Variants in MAML3 observed in about 807,000 individuals in gnomAD.
MAML3 encodes the protein mastermind like transcriptional coactivator 3.
Under a neutral mutation model 101.9 loss-of-function variants are expected in MAML3, and 27 were observed. The ratio of observed to expected loss-of-function variants is 0.27; its 90% confidence interval spans 0.20 to 0.37. The LOEUF is 0.37. MAML3 is among the 10% of genes least tolerant of loss of function. The probability of loss-of-function intolerance (pLI) is 1.00; values close to 1 mark genes in which losing one functional copy is unlikely to be tolerated. For synonymous variants in MAML3, 501 were observed against 555.9 expected (o/e 0.90, Z 1.39); for missense variants, 1,316 against 1,444.9 (o/e 0.91, Z 1.45).
chr4:139,778,193 G>C (rs1273459124), intron 2 of MAML3, among the ~76,000 whole-genome samples: 1 of 152,234 alleles, frequency 6.6e-6, no homozygotes, highest in African/African-American at 2.4e-5. Flanking sequence ...GATAAAAGTA[G>C]GTTGTTACTT....
At chr4:140,067,820 G>A (rs372714486) in intron 1 of MAML3, among the ~76,000 whole-genome samples, 4 of 144,704 alleles carry the variant, frequency 2.8e-5, no homozygotes, top group East Asian at 2.1e-4. Context: ...TGCAACCTCC[G>A]CCTTCCAGGT....
intron 2 of MAML3, among the ~76,000 whole-genome samples, chr4:139,851,639 T>A (rs189502277): frequency 5.3e-5 from 8 of 152,334 alleles, no homozygotes; most frequent in South Asian, 2.1e-4. Flanking sequence ...GATAGGCTGG[T>A]TGGGGGCATT....
intron 1 of MAML3, among the ~76,000 whole-genome samples, chr4:140,110,984 G>A (rs949256894): frequency 1.3e-5 from 2 of 152,182 alleles, no homozygotes; most frequent in Non-Finnish European, 1.5e-5. Context: ...TGAATTCTTA[G>A]ATTAGTATTT....
chr4:139,999,486 G>C (rs1328962686), intron 1 of MAML3, among the ~76,000 whole-genome samples: 1 of 152,136 alleles, frequency 6.6e-6, no homozygotes, highest in Non-Finnish European at 1.5e-5. Flanking sequence ...CCCGATTGTC[G>C]TATGCCTTAT....
chr4:139,899,890 A>G (rs1333511941), intron 1 of MAML3, among the ~76,000 whole-genome samples: 1 of 152,174 alleles, frequency 6.6e-6, no homozygotes, highest in Non-Finnish European at 1.5e-5. Context: ...GTACCTGTTC[A>G]GTGGGAAATG....
chr4:139,795,705 C>G (rs1395099522), intron 2 of MAML3, among the ~76,000 whole-genome samples: 1 of 152,192 alleles, frequency 6.6e-6, no homozygotes, highest in African/African-American at 2.4e-5. Flanking sequence ...AAGCTGCAAG[C>G]AGGAAACAAG....
At chr4:140,009,792 G>A (rs1247691117) in intron 1 of MAML3, among the ~76,000 whole-genome samples, 1 of 152,206 alleles carries the variant, frequency 6.6e-6, no homozygotes, top group African/African-American at 2.4e-5. Context: ...TGAGATGCTT[G>A]CCTAGATTCA....
intron 1 of MAML3, among the ~76,000 whole-genome samples, chr4:140,001,275 T>A (rs1419969994): frequency 6.6e-6 from 1 of 152,230 alleles, no homozygotes; most frequent in Non-Finnish European, 1.5e-5. Context: ...TTCTTCTCTA[T>A]AATGAAACCA....
intron 1 of MAML3, among the ~76,000 whole-genome samples, chr4:139,946,411 T>C (rs1335086575): frequency 6.6e-6 from 1 of 152,166 alleles, no homozygotes. Flanking sequence ...TCAGTCTGTA[T>C]AACGAGCCTG....
At chr4:140,143,934 C>G (rs1432841336) in intron 1 of MAML3, among the ~76,000 whole-genome samples, 1 of 152,186 alleles carries the variant, frequency 6.6e-6, no homozygotes, top group Non-Finnish European at 1.5e-5. Flanking sequence ...CTGCCTCTCT[C>G]TGCTCTTCAA....
At position 139,717,193 on chromosome 4, in the gene MAML3, TC is replaced by T. The variant is rs1728011560; in HGVS notation, c.*2129del. 1 of 152,564 alleles carries T rather than the reference TC, an allele frequency of 6.6e-6. No homozygotes were observed. Among genetic ancestry groups the T allele is most frequent in the African/African-American group, 2.4e-5 (1 of 41,436 alleles). 9.5% of individuals were successfully genotyped at this position (152,564 alleles called of 1,614,324 possible). On this transcript the variant is annotated 3_prime_UTR_variant, in exon 5 of 5. Coordinates refer to ENST00000509479, the MANE Select transcript of MAML3 (RefSeq NM_018717.5). ...CCAAAACAAAACCACCATATTAAAA[TC>T]TACCTATTAGTTGGTCCCAGTACTG...
intron 1 of MAML3, among the ~76,000 whole-genome samples, chr4:140,011,168 C>CAT (rs70943467): frequency 0.48 from 58,857 of 122,312 alleles, 14,955 homozygotes; most frequent in South Asian, 0.58. Context: ...ATATATATGA[C>CAT]ATATATGTCA....
chr4:139,795,202 T>TA (rs555769043), intron 2 of MAML3, among the ~76,000 whole-genome samples: 1 of 152,102 alleles, frequency 6.6e-6, no homozygotes, highest in Non-Finnish European at 1.5e-5. Context: ...ATAATTGTAA[T>TA]AAAAAAAGAC....
intron 2 of MAML3, among the ~76,000 whole-genome samples, chr4:139,810,092 C>T (rs751632685): frequency 1.4e-4 from 21 of 150,828 alleles, no homozygotes; most frequent in Admixed American, 4.0e-4. Flanking sequence ...GACATTCTAG[C>T]GAAAAATACA....
chr4:139,966,620 G>A (rs890484093), intron 1 of MAML3, among the ~76,000 whole-genome samples: 5 of 152,142 alleles, frequency 3.3e-5, no homozygotes, highest in African/African-American at 1.2e-4. Context: ...GTTTCTGACC[G>A]ATGCCTGATG....
intron 2 of MAML3, among the ~76,000 whole-genome samples, chr4:139,763,020 T>C (rs946172230): frequency 5.3e-5 from 8 of 152,306 alleles, no homozygotes; most frequent in African/African-American, 1.9e-4. Context: ...AACTGGCTGA[T>C]CTTGGTTAAA....
chr4:139,833,111 T>C (rs2111135964), intron 2 of MAML3, among the ~76,000 whole-genome samples: 1 of 152,314 alleles, frequency 6.6e-6, no homozygotes, highest in East Asian at 1.9e-4. Context: ...CCCTCACTCT[T>C]CGTCACGTCA....
At chr4:140,091,716 T>A (rs1356110229) in intron 1 of MAML3, among the ~76,000 whole-genome samples, 3 of 152,042 alleles carry the variant, frequency 2.0e-5, no homozygotes, top group African/African-American at 7.2e-5. Flanking sequence ...CCCAACTAGT[T>A]CAAGGGTTTG....
intron 1 of MAML3, among the ~76,000 whole-genome samples, chr4:140,091,397 A>G (rs574712674): frequency 6.6e-6 from 1 of 152,238 alleles, no homozygotes; most frequent in South Asian, 2.1e-4. Context: ...TGTAGGTTTA[A>G]GCCTCTGGGT....
Sources: gnomAD v4.1 joint callset for allele counts (sites outside exome capture counted in the v4.1 genomes callset) on GRCh38, gnomAD v4.1.1 for gene constraint, MANE v1.5 for transcripts, NCBI Gene and HGNC (gene_info 2026-07-23, HGNC 2026-07-21) for gene names.